Variants in C12orf42 observed in about 807,000 individuals in gnomAD.
The protein encoded by C12orf42 is uncharacterized protein C12orf42.
A neutral mutation model predicts 21.6 loss-of-function variants in C12orf42; 25 were observed. The ratio of observed to expected loss-of-function variants is 1.16; its 90% confidence interval spans 0.84 to 1.62. The LOEUF is 1.62. Ranked by LOEUF, C12orf42 falls within the 40% of genes most tolerant of loss-of-function variation. C12orf42 has a pLI of 0.00. For missense variants in C12orf42, 483 were observed against 459.3 expected, an observed-to-expected ratio of 1.05 and a Z score of -0.47; for synonymous variants, 174 against 175.0, an observed-to-expected ratio of 0.99 and a Z score of 0.05.
chr12:103,122,869 C>T, the C12orf42 span, among the ~76,000 whole-genome samples: 1 of 152,182 alleles, frequency 6.6e-6, no homozygotes, highest in South Asian at 2.1e-4. Flanking sequence ...TGCCTTGCAT[C>T]CTAGCAGGAT....
At position 103,462,096 on chromosome 12, in the gene C12orf42, G is replaced by GTTTTTTT. The variant is rs71097979; in HGVS notation, c.78+16246_78+16252dup. On this transcript the variant is annotated intron_variant, in intron 2 of 5. Coordinates refer to ENST00000548883, the MANE Select transcript of C12orf42 (RefSeq NM_198521.5). Reference sequence around the variant, plus strand: ...CCATTTTTGTTTTGTTTTTTGCTTGGTTTTTTTTTTTTTTTTTTTTTTTTT... The same window carrying GTTTTTTT: ...CCATTTTTGTTTTGTTTTTTGCTTGGTTTTTTTTTTTTTTTTTTTTTTTTTTTTTTTT... Among the ~76,000 whole-genome samples, 9 of 27,726 alleles carry GTTTTTTT rather than the reference G, an allele frequency of 3.2e-4. 1 individual carries two copies. The highest frequency in any genetic ancestry group is 7.1e-4 in the African/African-American group (5 of 7,040). The allele number at this position is 27,726 out of a possible 152,430, so 18.2% of individuals were successfully genotyped here.
intron 4 of C12orf42, among the ~76,000 whole-genome samples, chr12:103,355,064 A>T (rs148860211): frequency 1.4e-3 from 208 of 152,298 alleles, no homozygotes; most frequent in African/African-American, 4.7e-3. Context: ...TAAAAATTTA[A>T]AAATAATAAA....
At chr12:103,559,022 C>A in the C12orf42 span, 2 of 152,238 alleles carry the variant, frequency 1.3e-5, no homozygotes, top group African/African-American at 4.8e-5. Flanking sequence ...AGCCTGTCTT[C>A]AGGAATGACC....
chr12:103,360,290 A>G (rs529421254), intron 4 of C12orf42, among the ~76,000 whole-genome samples: 111 of 151,650 alleles, frequency 7.3e-4, no homozygotes, highest in Middle Eastern at 6.8e-3. Flanking sequence ...ACCTACTAGC[A>G]GGGCTCTGCT....
At chr12:103,146,371 T>C in the C12orf42 span, among the ~76,000 whole-genome samples, 1 of 149,150 alleles carries the variant, frequency 6.7e-6, no homozygotes, top group African/African-American at 2.5e-5. Context: ...TCCCAGCTAC[T>C]GGGGAGACTG....
intron 2 of C12orf42, 58 bp downstream of exon 2, chr12:103,478,291 T>C: frequency 4.5e-6 from 5 of 1,101,478 alleles, no homozygotes; most frequent in Non-Finnish European, 6.6e-6. Context: ...GTGGCTGAAA[T>C]GGAGCAAACC....
intron 1 of C12orf42, among the ~76,000 whole-genome samples, chr12:103,494,657 CTCT>C (rs1955398546): frequency 1.3e-5 from 2 of 151,800 alleles, no homozygotes; most frequent in Admixed American, 6.6e-5. Context: ...CTTTTTTTTC[CTCT>C]TCTTCTCTTA....
the C12orf42 span, among the ~76,000 whole-genome samples, chr12:103,091,189 G>C: frequency 6.6e-6 from 1 of 152,104 alleles, no homozygotes; most frequent in African/African-American, 2.4e-5. Flanking sequence ...AGCTGAATTA[G>C]GATCCTCACA....
rs1187895282 is a variant in C12orf42 at position 103,478,435 on chromosome 12, C to G, written c.-9G>C. 2.0e-6 allele frequency: 3 copies of G among 1,527,942 alleles called. No homozygotes were observed. Among genetic ancestry groups the G allele is most frequent in the Non-Finnish European group, 1.8e-6 (2 of 1,115,396 alleles). 94.6% of individuals were successfully genotyped at this position (1,527,942 alleles called of 1,614,324 possible). A position where few individuals can be genotyped will look rare whatever the true frequency, so the allele number is the denominator to read the frequency against. The stretch of plus-strand genomic sequence containing the variant: ...CATATCACTGTAGACATTAATTTGA[C>G]AAGTTCAACTCCCTATAAACAAAGA... On this transcript the variant is annotated 5_prime_UTR_variant, in exon 2 of 6. Transcript: ENST00000548883.
intron 3 of C12orf42, among the ~76,000 whole-genome samples, chr12:103,383,397 C>A (rs576110516): frequency 6.6e-6 from 1 of 152,240 alleles, no homozygotes; most frequent in East Asian, 1.9e-4. Flanking sequence ...AGCCACTGCG[C>A]CTGGCCTCAT....
At chr12:103,224,069 C>A in the C12orf42 span, among the ~76,000 whole-genome samples, 1 of 151,578 alleles carries the variant, frequency 6.6e-6, no homozygotes, top group Non-Finnish European at 1.5e-5. Flanking sequence ...TCTGACAGAA[C>A]GGAAGAAATG....
At chr12:103,078,155 T>C in the C12orf42 span, among the ~76,000 whole-genome samples, 1 of 152,160 alleles carries the variant, frequency 6.6e-6, no homozygotes, top group African/African-American at 2.4e-5. Context: ...CTAACAGGTA[T>C]TAATTGCCTT....
At chr12:103,543,897 T>A in the C12orf42 span, among the ~76,000 whole-genome samples, 4 of 128,606 alleles carry the variant, frequency 3.1e-5, no homozygotes, top group African/African-American at 1.5e-4. Context: ...TTTTGTTTTG[T>A]TTTTTGTTTT....
At chr12:103,398,086 T>C (rs959938934) in intron 3 of C12orf42, among the ~76,000 whole-genome samples, 1 of 152,188 alleles carries the variant, frequency 6.6e-6, no homozygotes, top group African/African-American at 2.4e-5. Flanking sequence ...GTGTTTGCAT[T>C]CTACAACTGT....
the C12orf42 span, among the ~76,000 whole-genome samples, chr12:103,201,280 G>A: frequency 1.1e-3 from 171 of 152,216 alleles, no homozygotes; most frequent in African/African-American, 4.1e-3. Context: ...AGCCGTAGTG[G>A]ATCAGAGTGG....
intron 4 of C12orf42, among the ~76,000 whole-genome samples, chr12:103,356,671 T>C (rs1369729583): frequency 6.6e-6 from 1 of 151,730 alleles, no homozygotes; most frequent in Non-Finnish European, 1.5e-5. Flanking sequence ...TTTCTCCACA[T>C]CCTCTCCAGC....
At chr12:103,481,269 A>C (rs1954451835) in intron 1 of C12orf42, among the ~76,000 whole-genome samples, 1 of 151,970 alleles carries the variant, frequency 6.6e-6, no homozygotes. Flanking sequence ...GGGTTTATGT[A>C]TGTGGCTGAA....
chr12:103,071,565 T>C, the C12orf42 span, among the ~76,000 whole-genome samples: 2 of 152,100 alleles, frequency 1.3e-5, no homozygotes, highest in Non-Finnish European at 2.9e-5. Context: ...GTAGAGATAA[T>C]TGAATCATGG....
chr12:103,256,111 TACACACACACACACAC>T lies in C12orf42; in HGVS notation c.*1366+7199_*1366+7214del, dbSNP rs199952822. ...ATATATATATATATATATATATATA[TACACACACACACACAC>T]ACACACACACACACACACGTATATA... is the stretch of plus-strand genomic sequence containing the variant. On this transcript the variant is annotated intron_variant and NMD_transcript_variant, in intron 10 of 10. Transcript: ENST00000547347. 4.0e-3 allele frequency among the ~76,000 whole-genome samples: 135 copies of T among 33,856 alleles called. 1 individual carries two copies. The highest frequency in any genetic ancestry group is 0.012 in the African/African-American group (107 of 9,032). 22.2% of individuals were successfully genotyped at this position (33,856 alleles called of 152,430 possible).
Sources: allele counts gnomAD v4.1 joint callset (sites outside exome capture counted in the v4.1 genomes callset), GRCh38; gene constraint gnomAD v4.1.1; transcripts MANE v1.5; gene names NCBI Gene and HGNC (gene_info 2026-07-23, HGNC 2026-07-21).